The following KCNJ6 variants were observed in gnomAD, a reference collection of about 807,000 sequenced individuals.
KCNJ6 encodes the protein potassium inwardly rectifying channel subfamily J member 6, also known as G protein-activated inward rectifier potassium channel 2.
Under a neutral mutation model 34.2 loss-of-function variants are expected in KCNJ6, and 9 were observed. The observed-to-expected ratio is 0.26, with a 90% confidence interval of 0.16 to 0.46. The LOEUF is 0.46. Ranked by LOEUF, KCNJ6 falls within the 20% of genes least tolerant of loss-of-function variation. The pLI, the probability that KCNJ6 is intolerant of heterozygous loss-of-function variation, is 1.00. For missense variants in KCNJ6, 236 were observed against 531.3 expected, an observed-to-expected ratio of 0.44 and a Z score of 5.46; for synonymous variants, 196 against 207.1, an observed-to-expected ratio of 0.95 and a Z score of 0.46.
intron 3 of KCNJ6, among the ~76,000 whole-genome samples, chr21:37,643,822 A>C (rs551577302): frequency 9.1e-4 from 139 of 152,312 alleles, no homozygotes; most frequent in African/African-American, 3.2e-3. Context: ...GAGAGAAAGA[A>C]GTTTAGACCT....
chr21:37,882,226 T>C (rs1050107182), intron 1 of KCNJ6, among the ~76,000 whole-genome samples: 2 of 152,162 alleles, frequency 1.3e-5, no homozygotes, highest in African/African-American at 4.8e-5. Context: ...CAAAGCAGTG[T>C]GAGCAGGAGG....
intron 1 of KCNJ6, among the ~76,000 whole-genome samples, chr21:37,893,521 C>G (rs1428755724): frequency 1.3e-5 from 2 of 152,162 alleles, no homozygotes; most frequent in African/African-American, 4.8e-5. Flanking sequence ...CCCCTATTTT[C>G]TAGGGAAATG....
At position 37,891,073 on chromosome 21, in the gene KCNJ6, C is replaced by A. The variant is rs573865856; in HGVS notation, c.-28+24811G>T. Reference sequence around the variant, plus strand: ...CCTGAATCTAACTGTACGATGCTCACCTACCTATCTCAGAAAGGTGAGTGA... The same window carrying A: ...CCTGAATCTAACTGTACGATGCTCAACTACCTATCTCAGAAAGGTGAGTGA... On this transcript the variant is annotated intron_variant, in intron 1 of 3. Coordinates refer to ENST00000609713, the MANE Select transcript of KCNJ6 (RefSeq NM_002240.5). Among the ~76,000 whole-genome samples the A allele has an allele frequency of 3.9e-5, 6 of 152,318 alleles. No individual in the cohort carries two copies. In the East Asian group the frequency reaches 9.6e-4, roughly 24 times the overall value.
At chr21:37,637,414 A>G (rs2054362811) in intron 3 of KCNJ6, among the ~76,000 whole-genome samples, 1 of 152,224 alleles carries the variant, frequency 6.6e-6, no homozygotes, top group Non-Finnish European at 1.5e-5. Flanking sequence ...AATGTCTAAA[A>G]AAGATCCTAC....
chr21:37,608,486 A>T lies in KCNJ6; in HGVS notation c.*16673T>A, dbSNP rs537460842. The T allele has an allele frequency of 2.8e-4, 43 of 152,336 alleles. No individual in the cohort carries two copies. Among genetic ancestry groups the T allele is most frequent in the African/African-American group, 9.4e-4 (39 of 41,586 alleles). 9.4% of individuals were successfully genotyped at this position (152,336 alleles called of 1,614,324 possible). ...CTTGGATCTCTGTCTCCAAAACCTA[A>T]GCAGTCTTTGAGAAATGTCAGGGCA... On this transcript the variant is annotated 3_prime_UTR_variant, in exon 4 of 4. Coordinates refer to ENST00000609713, the MANE Select transcript of KCNJ6 (RefSeq NM_002240.5).
chr21:37,613,514 C>T lies in KCNJ6; in HGVS notation c.*11645G>A, dbSNP rs1256306350. The T allele has an allele frequency of 2.0e-5, 3 of 151,512 alleles. No individual in the cohort carries two copies. The highest frequency in any genetic ancestry group is 6.6e-5 in the Admixed American group (1 of 15,168). 9.4% of individuals were successfully genotyped at this position (151,512 alleles called of 1,614,324 possible). On this transcript the variant is annotated 3_prime_UTR_variant, in exon 4 of 4. Transcript: ENST00000609713. The stretch of plus-strand genomic sequence containing the variant: ...ATAACTGACCAAACTTGGAAGCAAC[C>T]AAGGTGTCCTTCAGTAGGTGAATGG...
intron 2 of KCNJ6, among the ~76,000 whole-genome samples, chr21:37,825,013 G>T (rs553047308): frequency 6.5e-4 from 99 of 152,130 alleles, no homozygotes; most frequent in Middle Eastern, 3.4e-3. Context: ...TGTTCTGTCT[G>T]CATGCCAACT....
At chr21:37,731,406 A>C (rs1030347884) in intron 2 of KCNJ6, among the ~76,000 whole-genome samples, 2 of 152,196 alleles carry the variant, frequency 1.3e-5, no homozygotes, top group Non-Finnish European at 2.9e-5. Flanking sequence ...GGTGTCTTAC[A>C]AAATCATAAG....
At position 37,878,828 on chromosome 21, in the gene KCNJ6, C is replaced by T. The variant is rs557805172; in HGVS notation, c.-28+37056G>A. ...GGGCATGTGACGACCAGCACTCACC[C>T]CCACTGGAAGGCTGTCTGCCTTGTC... On this transcript the variant is annotated intron_variant, in intron 1 of 3. Transcript: ENST00000609713. Among the ~76,000 whole-genome samples, 5 of 152,268 alleles carry T rather than the reference C, an allele frequency of 3.3e-5. No individual in the cohort carries two copies. The South Asian group carries it at 1.0e-3, about 32-fold the overall frequency.
intron 2 of KCNJ6, among the ~76,000 whole-genome samples, chr21:37,751,122 TG>T (rs1390050930): frequency 5.9e-5 from 9 of 152,192 alleles, no homozygotes; most frequent in Non-Finnish European, 1.0e-4. Context: ...GCTGAAGGAA[TG>T]GACTGATTTT....
rs368120610 is a variant in KCNJ6 at position 37,714,407 on chromosome 21, C to T, written c.750G>A (p.Gly250=). 1.6e-4 allele frequency: 256 copies of T among 1,614,018 alleles called. No individual in the cohort carries two copies. The highest frequency in any genetic ancestry group is 2.1e-4 in the Non-Finnish European group (253 of 1,180,014). Residue 250 remains glycine, a synonymous_variant, in exon 3 of 4, where the codon GGG becomes GGA. Transcript: ENST00000609713. The surrounding 1 kb of genome is among the most constrained non-coding windows in gnomAD (Gnocchi z 5.9). ...CCGTCTGGTTCAACGGGATGAACTCCCCCTCCGAGGTCTGTTTGGATTTGA... is the reference window on the plus strand; with the variant it reads ...CCGTCTGGTTCAACGGGATGAACTCTCCCTCCGAGGTCTGTTTGGATTTGA... ...KLIKSKQTSE[G]EFIPLNQTDI...
At chr21:37,826,714 T>G (rs2055400794) in intron 2 of KCNJ6, among the ~76,000 whole-genome samples, 1 of 152,174 alleles carries the variant, frequency 6.6e-6, no homozygotes, top group African/African-American at 2.4e-5. Flanking sequence ...ATTTCTTTCT[T>G]CCTTGATGGC....
At chr21:37,731,052 T>A (rs1272999974) in intron 2 of KCNJ6, among the ~76,000 whole-genome samples, 1 of 151,976 alleles carries the variant, frequency 6.6e-6, no homozygotes, top group African/African-American at 2.4e-5. Context: ...TTGGTCCCAT[T>A]CTGAAGCTTG....
intron 3 of KCNJ6, among the ~76,000 whole-genome samples, chr21:37,673,985 A>AT (rs2054553299): frequency 6.6e-6 from 1 of 152,114 alleles, no homozygotes; most frequent in Non-Finnish European, 1.5e-5. Flanking sequence ...GAGCCCTGTG[A>AT]TTTCCCTTAG....
At chr21:37,746,067 A>G (rs186108433) in intron 2 of KCNJ6, among the ~76,000 whole-genome samples, 1 of 152,164 alleles carries the variant, frequency 6.6e-6, no homozygotes, top group East Asian at 1.9e-4. Context: ...TCTATCTGTG[A>G]TCTCTCTTAT....
chr21:37,744,166 G>GT (rs2054955081), intron 2 of KCNJ6, among the ~76,000 whole-genome samples: 1 of 122,730 alleles, frequency 8.1e-6, no homozygotes, highest in Non-Finnish European at 1.7e-5. Flanking sequence ...CTGTTGTGGG[G>GT]TGGGGGGAGG....
rs1227695134 is a variant in KCNJ6 at position 37,615,564 on chromosome 21, A to G, written c.*9595T>C. The G allele has an allele frequency of 6.6e-6, 1 of 152,182 alleles. No homozygotes were observed. Among genetic ancestry groups the G allele is most frequent in the Non-Finnish European group, 1.5e-5 (1 of 68,032 alleles). The allele number at this position is 152,182 out of a possible 1,614,324, so 9.4% of individuals were successfully genotyped here. ...ATTCCACTTTACCTTTTATGCCAAT[A>G]TAGGGGAGTCTATTCTCAAGTTCAA... is the stretch of plus-strand genomic sequence containing the variant. On this transcript the variant is annotated 3_prime_UTR_variant, in exon 4 of 4. Coordinates refer to ENST00000609713, the MANE Select transcript of KCNJ6 (RefSeq NM_002240.5).
intron 1 of KCNJ6, among the ~76,000 whole-genome samples, chr21:37,891,343 A>C (rs1271533180): frequency 6.6e-6 from 1 of 152,166 alleles, no homozygotes; most frequent in Non-Finnish European, 1.5e-5. Flanking sequence ...ACAGACACGC[A>C]TAGACAAACA....
At chr21:37,782,880 T>C (rs565366539) in intron 2 of KCNJ6, among the ~76,000 whole-genome samples, 2 of 152,302 alleles carry the variant, frequency 1.3e-5, no homozygotes, top group South Asian at 4.1e-4. Flanking sequence ...CAGTCTGAAA[T>C]GTGACCTGAT....
Sources: gnomAD v4.1 joint callset for allele counts (sites outside exome capture counted in the v4.1 genomes callset) on GRCh38, gnomAD v4.1.1 for gene constraint, Gnocchi (gnomAD v3.1) non-coding constraint, MANE v1.5 for transcripts, NCBI Gene and HGNC (gene_info 2026-07-23, HGNC 2026-07-21) for gene names.